MAST4: variants seen among roughly 807,000 people sequenced by gnomAD.
The protein encoded by MAST4 is microtubule associated serine/threonine kinase family member 4.
In MAST4, 89 loss-of-function variants were observed where a neutral mutation model predicts 162.7. The ratio of observed to expected loss-of-function variants is 0.55; its 90% confidence interval spans 0.46 to 0.65. MAST4 has a LOEUF of 0.65. Ranked by LOEUF, MAST4 falls within the 30% of genes least tolerant of loss-of-function variation. MAST4 has a pLI of 0.00. For missense variants in MAST4, 3,153 were observed against 3,374.0 expected (o/e 0.93, Z 1.62); for synonymous variants, 1,479 against 1,361.1 (o/e 1.09, Z -1.91).
rs535610861 is a variant in MAST4, at chr5:67,166,289, A to G, written c.7110A>G (p.Glu2370=). 4.5e-6 allele frequency: 7 copies of G among 1,562,668 alleles called. No homozygotes were observed. The East Asian group carries it at 1.7e-4, about 37-fold the overall frequency. ...CCGCCAACACCGACAGAAGGGCGGA[A>G]GGGAAGAAATGCACTGAAGCACTTT... The part of the protein sequence containing the change: ...QPAANTDRRA[E]GKKCTEALYA... The change falls in exon 29 of 29, where the codon GAA becomes GAG. Residue 2370 remains glutamate (E), a synonymous_variant. Coordinates refer to ENST00000403625, the MANE Select transcript of MAST4 (RefSeq NM_001164664.2).
At chr5:66,833,200 C>T (rs116099187) in intron 3 of MAST4, among the ~76,000 whole-genome samples, 2,364 of 152,238 alleles carry the variant, frequency 0.016, 66 homozygotes, top group African/African-American at 0.053. Context: ...TAAACCACAA[C>T]GTTGTCATCT....
chr5:66,902,252 TAGA>T (rs528241196), intron 4 of MAST4, among the ~76,000 whole-genome samples: 266 of 152,314 alleles, frequency 1.7e-3, no homozygotes, highest in African/African-American at 6.1e-3. Context: ...TCCAACTTGT[TAGA>T]GAGTGTGTAC....
intron 4 of MAST4, among the ~76,000 whole-genome samples, chr5:66,919,631 C>G (rs1212903087): frequency 2.0e-5 from 3 of 147,888 alleles, no homozygotes; most frequent in South Asian, 2.2e-4. Context: ...TGCACTCCAG[C>G]CTGGGCAACA....
At chr5:67,003,886 C>G (rs1019379345) in intron 4 of MAST4, 9 of 152,224 alleles carry the variant, frequency 5.9e-5, no homozygotes, top group Non-Finnish European at 1.2e-4. Context: ...CAGGTGTGCA[C>G]CGTGGTCATT....
At chr5:66,684,208 G>C (rs1320732114) in intron 1 of MAST4, among the ~76,000 whole-genome samples, 1 of 152,164 alleles carries the variant, frequency 6.6e-6, no homozygotes, top group Non-Finnish European at 1.5e-5. Flanking sequence ...CATCCAAATA[G>C]GGCACAGATC....
chr5:66,956,615 A>G (rs781017056), intron 4 of MAST4, among the ~76,000 whole-genome samples: 4 of 152,218 alleles, frequency 2.6e-5, no homozygotes, highest in African/African-American at 4.8e-5. Flanking sequence ...GCAGTTCTCT[A>G]GCATCCCCTC....
intron 24 of MAST4, among the ~76,000 whole-genome samples, chr5:67,150,992 C>T (rs535479582): frequency 6.6e-6 from 1 of 152,152 alleles, no homozygotes; most frequent in African/African-American, 2.4e-5. Context: ...ACTCACCACA[C>T]CCTGGTGAGC....
intron 26 of MAST4, 64 bp downstream of exon 26, chr5:67,153,644 G>A: frequency 1.4e-6 from 2 of 1,439,940 alleles, no homozygotes; most frequent in South Asian, 1.5e-5. Context: ...GCTAGTACCA[G>A]GAGATTGATT....
chr5:66,681,189 A>C (rs1158759801), intron 1 of MAST4, among the ~76,000 whole-genome samples: 1 of 152,248 alleles, frequency 6.6e-6, no homozygotes, highest in African/African-American at 2.4e-5. Flanking sequence ...TCACAGTGAC[A>C]GTGTTTCAGA....
intron 1 of MAST4, among the ~76,000 whole-genome samples, chr5:66,608,970 T>C (rs114540632): frequency 0.033 from 5,079 of 152,196 alleles, 266 homozygotes; most frequent in African/African-American, 0.11. Context: ...CTAGAAGATA[T>C]TGTTCTAGAT....
intron 4 of MAST4, among the ~76,000 whole-genome samples, chr5:66,937,640 TG>T (rs1489804268): frequency 6.6e-6 from 1 of 152,212 alleles, no homozygotes; most frequent in Non-Finnish European, 1.5e-5. Context: ...CAGGTTTTTA[TG>T]TAGTACGTTC....
In MAST4 at chr5:67,144,693, A is replaced by G. The variant is rs780434846; in HGVS notation, c.2755A>G (p.Thr919Ala). Reference protein sequence around the residue: ...SKVFSSIDRITQNSAEEKEDS... With the variant: ...SKVFSSIDRIAQNSAEEKEDS... ...GGTTTTCAGCAGTATAGATCGAATC[A>G]CTCAGAATTCAGCAGAAGAGAAGGA... Residue 919 changes from threonine to alanine, a missense_variant, in exon 22 of 29, where the codon ACT becomes GCT. This residue lies in a region of MAST4 where 619 missense variants were observed against 744.2 expected (regional missense o/e 0.83). Coordinates refer to ENST00000403625, the MANE Select transcript of MAST4 (RefSeq NM_001164664.2). The G allele has an allele frequency of 1.9e-6, 3 of 1,613,902 alleles. No individual in the cohort carries two copies. The highest frequency in any genetic ancestry group is 1.7e-6 in the Non-Finnish European group (2 of 1,179,820).
At chr5:66,798,973 T>C (rs561245737) in intron 3 of MAST4, among the ~76,000 whole-genome samples, 2 of 152,340 alleles carry the variant, frequency 1.3e-5, no homozygotes, top group South Asian at 4.1e-4. Flanking sequence ...ACCCCCTTTT[T>C]ATAAAGCTCT....
intron 2 of MAST4, among the ~76,000 whole-genome samples, 174 bp downstream of exon 2, chr5:66,760,036 A>G (rs1237944712): frequency 6.6e-6 from 1 of 152,130 alleles, no homozygotes; most frequent in Non-Finnish European, 1.5e-5. Flanking sequence ...TTTATTAATA[A>G]ACTTTGCTGA....
intron 4 of MAST4, among the ~76,000 whole-genome samples, chr5:66,965,225 C>CTTTTTTTTTTTTTTTTTT (rs1187971815): frequency 3.5e-5 from 3 of 84,898 alleles, no homozygotes; most frequent in East Asian, 4.0e-4. Flanking sequence ...TTTTTTTTTG[C>CTTTTTTTTTTTTTTTTTT]TTTTTTTTTT....
chr5:67,110,276 T>C, intron 11 of MAST4, 77 bp downstream of exon 11: 2 of 1,063,938 alleles, frequency 1.9e-6, no homozygotes, highest in Non-Finnish European at 2.9e-6. Flanking sequence ...CTCCTTCATT[T>C]GGTTTCCAGC....
intron 4 of MAST4, among the ~76,000 whole-genome samples, chr5:66,921,157 TA>T (rs35286570): frequency 6.6e-6 from 1 of 152,116 alleles, no homozygotes; most frequent in Non-Finnish European, 1.5e-5. Context: ...AACATTGGGT[TA>T]AAAAAATCAT....
chr5:66,791,372 G>C (rs1488059847), intron 3 of MAST4, among the ~76,000 whole-genome samples: 2 of 152,202 alleles, frequency 1.3e-5, no homozygotes, highest in Non-Finnish European at 2.9e-5. Flanking sequence ...CACATACCAA[G>C]AAACAGAAAC....
intron 23 of MAST4, among the ~76,000 whole-genome samples, chr5:67,148,860 G>A (rs1433934849): frequency 6.6e-6 from 1 of 152,206 alleles, no homozygotes; most frequent in Admixed American, 6.5e-5. Context: ...AGTATGAGGT[G>A]TGTTCTAACA....
Sources: allele counts gnomAD v4.1 joint callset (sites outside exome capture counted in the v4.1 genomes callset), GRCh38; gene constraint gnomAD v4.1.1; regional missense constraint gnomAD v4.1.1; transcripts MANE v1.5; gene names NCBI Gene and HGNC (gene_info 2026-07-23, HGNC 2026-07-21).